BICC1: variants seen among roughly 807,000 people sequenced by gnomAD.
The protein encoded by BICC1 is BicC family RNA binding protein 1, also known as protein bicaudal C homolog 1.
Under a neutral mutation model 111.0 loss-of-function variants are expected in BICC1, and 43 were observed. The observed-to-expected ratio is 0.39, with a 90% CI of 0.30 to 0.50. The LOEUF is 0.50. Among genes scored for constraint, BICC1 ranks in the 20% least tolerant of loss-of-function variants. The pLI, the probability that BICC1 is intolerant of heterozygous loss-of-function variation, is 0.88. For missense variants in BICC1, 1,091 were observed against 1,203.2 expected (o/e 0.91, Z 1.38); for synonymous variants, 467 against 434.4 (o/e 1.07, Z -0.93).
chr10:58,743,381 T>C (rs1589090735), intron 3 of BICC1, among the ~76,000 whole-genome samples: 1 of 152,118 alleles, frequency 6.6e-6, no homozygotes, highest in East Asian at 1.9e-4. Flanking sequence ...AGCTATAGAA[T>C]GGCACACACA....
intron 1 of BICC1, among the ~76,000 whole-genome samples, chr10:58,538,299 G>C (rs1040285404): frequency 9.5e-4 from 109 of 115,258 alleles, no homozygotes; most frequent in Non-Finnish European, 1.7e-3. Flanking sequence ...GAACAAAATA[G>C]AGAACCAAGA....
intron 2 of BICC1, among the ~76,000 whole-genome samples, chr10:58,677,231 A>G (rs978451763): frequency 6.6e-6 from 1 of 152,236 alleles, no homozygotes; most frequent in Non-Finnish European, 1.5e-5. Flanking sequence ...AGGCTTCAGA[A>G]GGTAGGTAAT....
intron 3 of BICC1, among the ~76,000 whole-genome samples, chr10:58,721,832 A>C (rs1817955002): frequency 6.6e-6 from 1 of 152,128 alleles, no homozygotes; most frequent in Non-Finnish European, 1.5e-5. Flanking sequence ...GGCAACTATG[A>C]TGTGGCTCCT....
chr10:58,665,820 C>T (rs1379234281), intron 2 of BICC1, among the ~76,000 whole-genome samples: 1 of 152,074 alleles, frequency 6.6e-6, no homozygotes, highest in Non-Finnish European at 1.5e-5. Context: ...CCTAATTTAC[C>T]CGTCTATTTC....
chr10:58,666,756 C>T (rs1341233332), intron 2 of BICC1, among the ~76,000 whole-genome samples: 1 of 152,072 alleles, frequency 6.6e-6, no homozygotes, highest in East Asian at 1.9e-4. Flanking sequence ...ACCAATCTAC[C>T]TAAAACCTCC....
At position 58,819,920 on chromosome 10, in the gene BICC1, G is replaced by C. The variant is rs186494938; in HGVS notation, c.2695-449G>C. ...GCTGAGTTGAGCCAAGTGAACTGTAGATCTGATTGTGTCTGGGAATTCTTC... is the reference window on the plus strand; with the variant it reads ...GCTGAGTTGAGCCAAGTGAACTGTACATCTGATTGTGTCTGGGAATTCTTC... On this transcript the variant is annotated intron_variant, in intron 19 of 20. Coordinates refer to ENST00000373886, the MANE Select transcript of BICC1 (RefSeq NM_001080512.3). 1.1e-3 allele frequency among the ~76,000 whole-genome samples: 161 copies of C among 152,238 alleles called. 1 individual carries two copies. The highest frequency in any genetic ancestry group is 1.9e-3 in the Non-Finnish European group (131 of 68,004).
At chr10:58,763,347 A>C (rs1032789373) in intron 3 of BICC1, among the ~76,000 whole-genome samples, 2 of 152,214 alleles carry the variant, frequency 1.3e-5, no homozygotes, top group African/African-American at 4.8e-5. Flanking sequence ...AGTGATTTTA[A>C]AACTGTGAGA....
At chr10:58,554,128 T>C (rs936649404) in intron 1 of BICC1, among the ~76,000 whole-genome samples, 2 of 152,108 alleles carry the variant, frequency 1.3e-5, no homozygotes, top group African/African-American at 4.8e-5. Context: ...CTTTATTGGG[T>C]GATAGGTGGA....
intron 2 of BICC1, among the ~76,000 whole-genome samples, chr10:58,664,612 T>G (rs997301444): frequency 2.0e-5 from 3 of 152,124 alleles, no homozygotes; most frequent in South Asian, 4.1e-4. Context: ...ATTTTAAAAG[T>G]TCTATCTGAT....
intron 1 of BICC1, among the ~76,000 whole-genome samples, chr10:58,519,846 GT>G (rs202085193): frequency 4.6e-5 from 7 of 151,060 alleles, no homozygotes; most frequent in South Asian, 2.1e-4. Flanking sequence ...CATGTCAAAT[GT>G]TTTTTTTTCC....
At chr10:58,794,061 TC>T (rs1290115225) in intron 9 of BICC1, among the ~76,000 whole-genome samples, 16 of 152,266 alleles carry the variant, frequency 1.1e-4, no homozygotes, top group African/African-American at 3.9e-4. Flanking sequence ...CCATTATTTT[TC>T]CATAGTTAAA....
chr10:58,686,883 G>T (rs538116212), intron 2 of BICC1, among the ~76,000 whole-genome samples: 89 of 152,312 alleles, frequency 5.8e-4, no homozygotes, highest in Admixed American at 4.3e-3. Flanking sequence ...ACTCGTCAAA[G>T]TCATTGTCCA....
chr10:58,541,751 A>T (rs899159395), intron 1 of BICC1, among the ~76,000 whole-genome samples: 2 of 152,150 alleles, frequency 1.3e-5, no homozygotes, highest in Non-Finnish European at 2.9e-5. Flanking sequence ...AAGCCAAAAA[A>T]GTCTTGAGAA....
At chr10:58,778,556 C>T (rs1346078066) in intron 3 of BICC1, among the ~76,000 whole-genome samples, 1 of 152,052 alleles carries the variant, frequency 6.6e-6, no homozygotes, top group Admixed American at 6.6e-5. Flanking sequence ...GGAAGTGGGT[C>T]ATCAAAAGTC....
chr10:58,794,079 G>A (rs1474441327), intron 9 of BICC1, among the ~76,000 whole-genome samples: 2 of 151,614 alleles, frequency 1.3e-5, no homozygotes, highest in African/African-American at 4.8e-5. Flanking sequence ...TAAATGAGAA[G>A]GAAAGAACAT....
chr10:58,809,237 T>C (rs996893796), intron 17 of BICC1, among the ~76,000 whole-genome samples: 1 of 151,960 alleles, frequency 6.6e-6, no homozygotes, highest in Non-Finnish European at 1.5e-5. Flanking sequence ...GGTTTCACCA[T>C]GTTGGCCAGG....
At chr10:58,556,933 T>C (rs1843464714) in intron 1 of BICC1, among the ~76,000 whole-genome samples, 1 of 152,086 alleles carries the variant, frequency 6.6e-6, no homozygotes, top group Non-Finnish European at 1.5e-5. Flanking sequence ...AGTAGAATTA[T>C]GGCCCCTAAA....
intron 3 of BICC1, among the ~76,000 whole-genome samples, chr10:58,712,960 T>C (rs1175934242): frequency 6.6e-6 from 1 of 152,128 alleles, no homozygotes; most frequent in East Asian, 1.9e-4. Flanking sequence ...TTTAAAAGAA[T>C]AGTCGTAGAT....
chr10:58,595,011 A>C (rs1844765126), intron 1 of BICC1, among the ~76,000 whole-genome samples: 1 of 152,196 alleles, frequency 6.6e-6, no homozygotes, highest in African/African-American at 2.4e-5. Flanking sequence ...CTCAAAATAA[A>C]GGGATGGGGG....
Sources: gnomAD v4.1 joint callset for allele counts (sites outside exome capture counted in the v4.1 genomes callset) on GRCh38, gnomAD v4.1.1 for gene constraint, MANE v1.5 for transcripts, NCBI Gene and HGNC (gene_info 2026-07-23, HGNC 2026-07-21) for gene names.